Variants in ARHGAP36 observed in about 807,000 individuals in gnomAD.
ARHGAP36 encodes Rho GTPase activating protein 36.
Under a neutral mutation model 32.9 loss-of-function variants are expected in ARHGAP36, and 7 were observed. The observed-to-expected ratio is 0.21, with a 90% confidence interval of 0.12 to 0.40. ARHGAP36 has a LOEUF of 0.40. ARHGAP36 is among the 10% of genes least tolerant of loss of function. The pLI is 1.00. For synonymous variants in ARHGAP36, 165 were observed against 168.3 expected, an observed-to-expected ratio of 0.98 and a Z score of 0.15; for missense variants, 383 against 442.2, an observed-to-expected ratio of 0.87 and a Z score of 1.20.
At chrX:131,086,720 G>T in intron 11 of ARHGAP36, 55 bp downstream of exon 11, 1 of 1,097,701 alleles carries the variant, frequency 9.1e-7, no homozygotes, top group Non-Finnish European at 1.2e-6. Context: ...CTTGTTGAAG[G>T]TCAGGCCCTT....
chrX:131,080,494 T>G (rs1232810276), intron 1 of ARHGAP36, among the ~76,000 whole-genome samples: 1 of 112,157 alleles, frequency 8.9e-6, no homozygotes, highest in Non-Finnish European at 1.9e-5. Flanking sequence ...TTTGTTTTAA[T>G]GAATGAATGA....
rs369644463 is a variant in ARHGAP36, at chrX:131,080,212, C to A, written c.-142-1312C>A. 9.0e-5 allele frequency among the ~76,000 whole-genome samples: 10 copies of A among 111,620 alleles called. No homozygotes were observed. The East Asian group carries it at 2.5e-3, about 28-fold the overall frequency. On this transcript the variant is annotated intron_variant, in intron 1 of 11. Coordinates refer to ENST00000276211, the MANE Select transcript of ARHGAP36 (RefSeq NM_144967.4). ...GCTTCAAGAATATGACAACCTCTCT[C>A]CCATCTCTTTTCCTTTGCACAAGCT...
At chrX:131,073,855 TAGAC>T (rs778653559) in intron 1 of ARHGAP36, among the ~76,000 whole-genome samples, 69 of 110,981 alleles carry the variant, frequency 6.2e-4, no homozygotes, top group African/African-American at 1.7e-3. Context: ...GATGGATGGA[TAGAC>T]AGACAGACAG....
intron 1 of ARHGAP36, among the ~76,000 whole-genome samples, chrX:131,075,058 T>C (rs1384807499): frequency 8.9e-6 from 1 of 112,213 alleles, no homozygotes. Flanking sequence ...GAGGCATTCT[T>C]CAGCAGGGGA....
At chrX:131,067,379 T>C (rs2079704737) in intron 1 of ARHGAP36, among the ~76,000 whole-genome samples, 2 of 113,533 alleles carry the variant, frequency 1.8e-5, no homozygotes, top group Non-Finnish European at 3.7e-5. Flanking sequence ...GCGCCCTACC[T>C]GGCCAATCAC....
chrX:131,061,385 T>C (rs1393441627), intron 1 of ARHGAP36, among the ~76,000 whole-genome samples: 1 of 110,558 alleles, frequency 9.0e-6, no homozygotes, highest in Non-Finnish European at 1.9e-5. Flanking sequence ...ATCACTGAGG[T>C]CTGGGAGGAA....
intron 1 of ARHGAP36, among the ~76,000 whole-genome samples, chrX:131,066,414 T>G (rs2079699082): frequency 8.9e-6 from 1 of 112,017 alleles, no homozygotes; most frequent in African/African-American, 3.3e-5. Context: ...CATTTTCAAC[T>G]CTTTCTTTCA....
At position 131,070,210 on chromosome X, in the gene ARHGAP36, C is replaced by T. The variant is rs771704212; in HGVS notation, c.-142-11314C>T. Among the ~76,000 whole-genome samples the T allele has an allele frequency of 1.1e-4, 12 of 112,667 alleles. No homozygotes were observed. The East Asian group carries it at 2.8e-3, about 26-fold the overall frequency. On this transcript the variant is annotated intron_variant, in intron 1 of 11. Transcript: ENST00000276211. ...TGTCTGGAAGAGCATTGCTTCACTGCGGCTGAGGCTTCTGCAGGCAACTAA... is the reference window on the plus strand; with the variant it reads ...TGTCTGGAAGAGCATTGCTTCACTGTGGCTGAGGCTTCTGCAGGCAACTAA...
chrX:131,084,777 A>G lies in ARHGAP36; in HGVS notation c.804+96A>G, dbSNP rs1055699359. Reference sequence around the variant, plus strand: ...GACCTGACTACCTGGTGGGGGGAGGAGCAGGGTCTTCTTTGTAGCCCCCAG... The same window carrying G: ...GACCTGACTACCTGGTGGGGGGAGGGGCAGGGTCTTCTTTGTAGCCCCCAG... On this transcript the variant is annotated intron_variant, in intron 6 of 11. Transcript: ENST00000276211. 11 of 1,163,770 alleles carry G rather than the reference A, an allele frequency of 9.5e-6. No individual in the cohort carries two copies. The Admixed American group carries it at 2.4e-4, about 26-fold the overall frequency.
At chrX:131,070,986 A>G (rs2079730501) in intron 1 of ARHGAP36, among the ~76,000 whole-genome samples, 1 of 110,495 alleles carries the variant, frequency 9.1e-6, no homozygotes, top group Non-Finnish European at 1.9e-5. Context: ...ATATAGGTCT[A>G]AAATCTCACA....
At chrX:131,082,498 G>A (rs1308259105) in intron 2 of ARHGAP36, among the ~76,000 whole-genome samples, 1 of 112,663 alleles carries the variant, frequency 8.9e-6, no homozygotes, top group Non-Finnish European at 1.9e-5. Flanking sequence ...GTGCACCAGG[G>A]AATCTCAGGG....
intron 1 of ARHGAP36, among the ~76,000 whole-genome samples, chrX:131,058,711 C>G (rs113218588): frequency 7.0e-5 from 8 of 113,541 alleles, no homozygotes; most frequent in African/African-American, 2.5e-4. Flanking sequence ...GCTCAGCCGC[C>G]GGCAGGGACA....
At position 131,085,851 on chromosome X, in the gene ARHGAP36, T is replaced by C. The variant is rs1569369414; in HGVS notation, c.1105-62T>C. 5 of 1,182,592 alleles carry C rather than the reference T, an allele frequency of 4.2e-6. No homozygotes were observed. In the Admixed American group the frequency reaches 1.1e-4, roughly 27 times the overall value. On this transcript the variant is annotated intron_variant, in intron 8 of 11. Coordinates refer to ENST00000276211, the MANE Select transcript of ARHGAP36 (RefSeq NM_144967.4). ...AGAAACAAGAATAAAAAGAGACATA[T>C]TCATTTGTACAACTCCCAGTACTAC...
intron 11 of ARHGAP36, among the ~76,000 whole-genome samples, chrX:131,088,191 C>T (rs1457483170): frequency 1.8e-5 from 2 of 112,911 alleles, no homozygotes; most frequent in African/African-American, 3.2e-5. Flanking sequence ...AAGTCCTCAC[C>T]AGAGGTGTTG....
intron 1 of ARHGAP36, 36 bp from the exon 2 acceptor site, chrX:131,081,488 G>A (rs1392873219): frequency 1.7e-5 from 18 of 1,033,399 alleles, no homozygotes; most frequent in Non-Finnish European, 2.1e-5. Context: ...GTTAAGGGCT[G>A]AATTTTTGAA....
intron 1 of ARHGAP36, among the ~76,000 whole-genome samples, chrX:131,071,276 C>G (rs2079732298): frequency 1.8e-5 from 2 of 111,098 alleles, no homozygotes; most frequent in Non-Finnish European, 3.8e-5. Flanking sequence ...CTTTCTCCCC[C>G]TCTACTTACC....
At chrX:131,083,041 C>T in intron 2 of ARHGAP36, 124 bp from the exon 3 acceptor site, 2 of 633,682 alleles carry the variant, frequency 3.2e-6, no homozygotes, top group Admixed American at 3.3e-5. Context: ...TACTTTTCGC[C>T]CGCTGGGCAG....
intron 1 of ARHGAP36, among the ~76,000 whole-genome samples, chrX:131,060,645 C>T (rs2079663760): frequency 8.9e-6 from 1 of 112,154 alleles, no homozygotes; most frequent in Non-Finnish European, 1.9e-5. Context: ...AAGTGTAAGA[C>T]CTTATATTCG....
chrX:131,074,388 T>C (rs1257900527), intron 1 of ARHGAP36, among the ~76,000 whole-genome samples: 4 of 110,078 alleles, frequency 3.6e-5, no homozygotes, highest in African/African-American at 1.3e-4. Flanking sequence ...AAAATGCTTA[T>C]GTAAGAGAGT....
Sources: allele counts gnomAD v4.1 joint callset (sites outside exome capture counted in the v4.1 genomes callset), GRCh38; gene constraint gnomAD v4.1.1; transcripts MANE v1.5; gene names NCBI Gene and HGNC (gene_info 2026-07-23, HGNC 2026-07-21).